Variants in TSC22D1 observed in about 807,000 individuals in gnomAD.
TSC22D1 encodes TSC22 domain family member 1.
Under a neutral mutation model 74.2 loss-of-function variants are expected in TSC22D1, and 9 were observed. The observed-to-expected ratio is 0.12, with a 90% CI of 0.07 to 0.21. The LOEUF is 0.21. Among genes scored for constraint, TSC22D1 ranks in the 10% least tolerant of loss-of-function variants. The pLI, the probability that TSC22D1 is intolerant of heterozygous loss-of-function variation, is 1.00. For synonymous variants in TSC22D1, 586 were observed against 492.5 expected (o/e 1.19, Z -2.51); for missense variants, 1,427 against 1,304.7 (o/e 1.09, Z -1.44).
intron 1 of TSC22D1, among the ~76,000 whole-genome samples, chr13:44,551,389 G>GGTGGGTGGGTGGGTGTGT (rs1298469090): frequency 3.2e-5 from 4 of 125,306 alleles, no homozygotes; most frequent in African/African-American, 1.2e-4. Flanking sequence ...CAATCAGATG[G>GGTGGGTGGGTGGGTGTGT]GTGTGTGTGT....
chr13:44,486,210 C>G (rs1426378778), intron 1 of TSC22D1, among the ~76,000 whole-genome samples: 1 of 151,720 alleles, frequency 6.6e-6, no homozygotes, highest in Non-Finnish European at 1.5e-5. Flanking sequence ...TTAAATGTCA[C>G]CCCCACAAAA....
chr13:44,434,998 A>C (rs1874424975), intron 2 of TSC22D1, 115 bp from the exon 3 acceptor site: 3 of 931,074 alleles, frequency 3.2e-6, no homozygotes, highest in Admixed American at 2.3e-5. Context: ...TTCCACCTTT[A>C]AAGTTGGTTC....
At chr13:44,475,907 C>T (rs1877885309) in intron 1 of TSC22D1, among the ~76,000 whole-genome samples, 2 of 152,156 alleles carry the variant, frequency 1.3e-5, no homozygotes, top group Admixed American at 1.3e-4. Context: ...GAAAGATCAA[C>T]AACAAAGCCC....
intron 1 of TSC22D1, among the ~76,000 whole-genome samples, chr13:44,542,917 T>C (rs1382133337): frequency 1.3e-5 from 2 of 152,138 alleles, no homozygotes; most frequent in South Asian, 4.1e-4. Context: ...CATTCTTCTA[T>C]GTGATATTTT....
At chr13:44,443,309 GA>G (rs113326775) in intron 1 of TSC22D1, among the ~76,000 whole-genome samples, 85 of 143,254 alleles carry the variant, frequency 5.9e-4, no homozygotes, top group East Asian at 5.1e-3. Context: ...TTAACTGAAA[GA>G]AAAAAAAAAA....
chr13:44,436,182 T>C (rs113702054), intron 1 of TSC22D1, 87 bp from the exon 2 acceptor site: 5 of 1,395,424 alleles, frequency 3.6e-6, no homozygotes, highest in African/African-American at 2.9e-5. Flanking sequence ...TTTTGTGATA[T>C]TGCTAGCATC....
Position 44,574,054 on chromosome 13 carries a change from G to A in TSC22D1, c.2021C>T (p.Ser674Phe), listed in dbSNP as rs754935678. The change falls in exon 1 of 3, where the codon TCT becomes TTT. Residue 674 changes from serine (S) to phenylalanine (F), a missense_variant. Physicochemically the swap from Ser to Phe is radical, Grantham distance 155 (BLOSUM62 -2). This residue lies in a region of TSC22D1 where 1,343 missense variants were observed against 1,191.5 expected (regional missense o/e 1.13). Transcript: ENST00000458659. ...TGTTGTTCCTGCTCCTACTCCTGCAGAACTGGGCTGTCCGGAGGACATTGC... is the reference window on the plus strand; with the variant it reads ...TGTTGTTCCTGCTCCTACTCCTGCAAAACTGGGCTGTCCGGAGGACATTGC... ...QTAMSSGQPS[S>F]AGVGAGTTVI... 2 of 1,614,088 alleles carry A rather than the reference G, an allele frequency of 1.2e-6. No homozygotes were observed. The highest frequency in any genetic ancestry group is 1.3e-5 in the African/African-American group (1 of 74,952).
chr13:44,496,944 G>A (rs28853723), intron 1 of TSC22D1, among the ~76,000 whole-genome samples: 54,928 of 151,834 alleles, frequency 0.36, 10,017 homozygotes, highest in Non-Finnish European at 0.39. Context: ...AGAAGAAACT[G>A]GATCCCTCAT....
At chr13:44,490,938 AT>A (rs1370799662) in intron 1 of TSC22D1, among the ~76,000 whole-genome samples, 2 of 147,174 alleles carry the variant, frequency 1.4e-5, no homozygotes, top group African/African-American at 2.5e-5. Flanking sequence ...ATTAAAAAAA[AT>A]ATATATACAT....
chr13:44,443,715 A>G (rs1875388498), intron 1 of TSC22D1, among the ~76,000 whole-genome samples: 2 of 152,204 alleles, frequency 1.3e-5, no homozygotes, highest in African/African-American at 2.4e-5. Context: ...TAAAGCAAAA[A>G]TAACAATGTA....
intron 1 of TSC22D1, among the ~76,000 whole-genome samples, chr13:44,464,418 A>T (rs1051926487): frequency 2.0e-5 from 3 of 152,234 alleles, no homozygotes; most frequent in Admixed American, 2.0e-4. Context: ...AAGTCAGAAT[A>T]GTCACCATCA....
chr13:44,496,239 T>C (rs899454828), intron 1 of TSC22D1, among the ~76,000 whole-genome samples: 2 of 152,160 alleles, frequency 1.3e-5, no homozygotes, highest in African/African-American at 4.8e-5. Flanking sequence ...CACTAGCCAT[T>C]AGGGAAATGG....
chr13:44,534,644 A>C (rs1016444919), intron 1 of TSC22D1, among the ~76,000 whole-genome samples: 3 of 152,078 alleles, frequency 2.0e-5, no homozygotes, highest in African/African-American at 7.2e-5. Flanking sequence ...TCTCCTGTCA[A>C]TTATTTTATA....
chr13:44,537,699 C>T, intron 1 of TSC22D1: 1 of 984,496 alleles, frequency 1.0e-6, no homozygotes, highest in Non-Finnish European at 1.2e-6. Flanking sequence ...GAATTCAAAG[C>T]TCTCTGGGGA....
chr13:44,477,216 G>A (rs528912295), intron 1 of TSC22D1, among the ~76,000 whole-genome samples: 26 of 152,190 alleles, frequency 1.7e-4, no homozygotes, highest in Non-Finnish European at 2.8e-4. Flanking sequence ...GCCTCCCAAA[G>A]TGCTGGGACT....
At position 44,433,286 on chromosome 13, in the gene TSC22D1, T is replaced by C. The variant is rs984736718; in HGVS notation, c.*1340A>G. 1.3e-5 allele frequency: 2 copies of C among 152,286 alleles called. No individual in the cohort carries two copies. Among genetic ancestry groups the C allele is most frequent in the Non-Finnish European group, 2.9e-5 (2 of 68,082 alleles). The allele number at this position is 152,286 out of a possible 1,614,324, so 9.4% of individuals were successfully genotyped here. A position where few individuals can be genotyped will look rare whatever the true frequency, so the allele number is the denominator to read the frequency against. On this transcript the variant is annotated 3_prime_UTR_variant, in exon 3 of 3. Transcript: ENST00000458659. The stretch of plus-strand genomic sequence containing the variant: ...ACATCCGTCCAGGAGTGAAGCAACC[T>C]GTCCAAGTCACACAGTAGTTAGAAT...
At chr13:44,531,553 G>A (rs1880839995) in intron 1 of TSC22D1, among the ~76,000 whole-genome samples, 1 of 151,860 alleles carries the variant, frequency 6.6e-6, no homozygotes, top group Admixed American at 6.6e-5. Context: ...ATCTAGCAAA[G>A]GTACACTTAG....
At chr13:44,475,695 A>C (rs1039365218) in intron 1 of TSC22D1, among the ~76,000 whole-genome samples, 2 of 152,304 alleles carry the variant, frequency 1.3e-5, no homozygotes, top group Non-Finnish European at 2.9e-5. Context: ...TATAGATTAA[A>C]TGGTCAAATA....
At chr13:44,491,533 G>A (rs1878721039) in intron 1 of TSC22D1, among the ~76,000 whole-genome samples, 1 of 149,510 alleles carries the variant, frequency 6.7e-6, no homozygotes, top group African/African-American at 2.5e-5. Flanking sequence ...CAGCCTGGGA[G>A]GCAAAGCGAG....
Sources: allele counts gnomAD v4.1 joint callset (sites outside exome capture counted in the v4.1 genomes callset), GRCh38; gene constraint gnomAD v4.1.1; regional missense constraint gnomAD v4.1.1; transcripts MANE v1.5; gene names NCBI Gene and HGNC (gene_info 2026-07-23, HGNC 2026-07-21).